INTS7: variants seen among roughly 807,000 people sequenced by gnomAD.
INTS7 encodes the protein chromosome 1 open reading frame 73.
INTS7 carries 46 observed loss-of-function variants against 109.2 expected under a neutral mutation model. The ratio of observed to expected loss-of-function variants is 0.42; its 90% CI spans 0.33 to 0.54. The LOEUF (loss-of-function observed/expected upper bound fraction) is 0.54, where lower values mean the gene tolerates loss of function less well. Ranked by LOEUF, INTS7 falls within the 20% of genes least tolerant of loss-of-function variation. The pLI is 0.07. For synonymous variants in INTS7, 412 were observed against 402.9 expected (o/e 1.02, Z -0.27); for missense variants, 929 against 1,132.4 (o/e 0.82, Z 2.58).
At chr1:211,976,491 T>C (rs1664428300) in intron 12 of INTS7, 91 bp downstream of exon 12, 1 of 1,185,178 alleles carries the variant, frequency 8.4e-7, no homozygotes, top group Non-Finnish European at 1.2e-6. Context: ...ATCTTTATTT[T>C]TAGTTTTGAC....
intron 13 of INTS7, 144 bp from the exon 14 acceptor site, chr1:211,968,851 ATAATG>A: frequency 1.8e-6 from 1 of 561,612 alleles, no homozygotes; most frequent in Non-Finnish European, 3.1e-6. Flanking sequence ...GATAAAAAGA[ATAATG>A]TAATATTAGA....
chr1:212,008,588 C>G (rs1333150703), intron 5 of INTS7, among the ~76,000 whole-genome samples: 1 of 152,154 alleles, frequency 6.6e-6, no homozygotes, highest in African/African-American at 2.4e-5. Context: ...ACCCATCCGT[C>G]CTCCTGCCCC....
chr1:212,001,600 G>A (rs1665674287), intron 7 of INTS7, among the ~76,000 whole-genome samples: 1 of 152,128 alleles, frequency 6.6e-6, no homozygotes. Flanking sequence ...TACATTCACT[G>A]CCTTAAATCT....
chr1:211,988,732 T>C (rs949513055), intron 7 of INTS7, among the ~76,000 whole-genome samples: 2 of 152,164 alleles, frequency 1.3e-5, no homozygotes, highest in African/African-American at 4.8e-5. Flanking sequence ...ACCCCCACCA[T>C]ATTTTGCTTA....
intron 16 of INTS7, among the ~76,000 whole-genome samples, chr1:211,953,206 T>C (rs1663188560): frequency 6.6e-6 from 1 of 152,076 alleles, no homozygotes; most frequent in Non-Finnish European, 1.5e-5. Context: ...GCTAGAGAAA[T>C]GGCATGAATC....
chr1:212,007,069 C>A (rs1665955090), intron 6 of INTS7, among the ~76,000 whole-genome samples, 181 bp downstream of exon 6: 1 of 151,862 alleles, frequency 6.6e-6, no homozygotes, highest in Non-Finnish European at 1.5e-5. Flanking sequence ...TCAAGGGCTC[C>A]CAACAATCAG....
chr1:211,979,170 C>G (rs1171392561), intron 10 of INTS7, among the ~76,000 whole-genome samples: 1 of 152,196 alleles, frequency 6.6e-6, no homozygotes, highest in African/African-American at 2.4e-5. Context: ...CTAACAGATT[C>G]TTTTGTCAAG....
intron 4 of INTS7, among the ~76,000 whole-genome samples, chr1:212,011,927 T>A (rs184717086): frequency 1.3e-5 from 2 of 152,330 alleles, no homozygotes; most frequent in African/African-American, 4.8e-5. Context: ...ATAATATTTT[T>A]AAAATTCTTT....
chr1:211,975,126 C>A (rs766457341), intron 13 of INTS7, 40 bp downstream of exon 13: 23 of 1,407,760 alleles, frequency 1.6e-5, no homozygotes, highest in Non-Finnish European at 2.2e-5. Context: ...AGAACTCTCA[C>A]ATAAATCATC....
chr1:211,993,958 C>A (rs1044539059), intron 7 of INTS7, among the ~76,000 whole-genome samples: 2 of 152,054 alleles, frequency 1.3e-5, no homozygotes, highest in African/African-American at 4.8e-5. Context: ...CTGATTCCAT[C>A]TGAAAATTAT....
intron 10 of INTS7, among the ~76,000 whole-genome samples, chr1:211,980,166 A>C (rs1664594618): frequency 6.6e-6 from 1 of 151,860 alleles, no homozygotes; most frequent in Non-Finnish European, 1.5e-5. Flanking sequence ...TGCCAAACAC[A>C]TGTTGTCTAC....
At chr1:211,990,781 A>G (rs150558498) in intron 7 of INTS7, among the ~76,000 whole-genome samples, 228 of 152,322 alleles carry the variant, frequency 1.5e-3, no homozygotes, top group African/African-American at 5.3e-3. Flanking sequence ...GATAGAGGCT[A>G]AGTAAGATGG....
intron 6 of INTS7, 88 bp from the exon 7 acceptor site, chr1:212,006,849 G>C: frequency 2.7e-6 from 3 of 1,103,446 alleles, no homozygotes; most frequent in Non-Finnish European, 3.9e-6. Context: ...ACTTATAAAG[G>C]GACAGGACTC....
rs1344396413 is a variant in INTS7 at position 211,981,110 on chromosome 1, C to T, written c.1213G>A (p.Ala405Thr). 1 of 1,611,220 alleles carries T rather than the reference C, an allele frequency of 6.2e-7. No homozygotes were observed. The highest frequency in any genetic ancestry group is 1.1e-5 in the South Asian group (1 of 90,960). Residue 405 changes from alanine (A) to threonine (T), a missense_variant, in exon 10 of 20, where the codon GCT becomes ACT. Ala to Thr is a moderately conservative substitution (Grantham distance 58). This residue lies in a region of INTS7 where 787 missense variants were observed against 901.1 expected (regional missense o/e 0.87). Transcript: ENST00000366994. ...GTTTTCACCTTTAAAGTGGCCTGAG[C>T]ACCTGGACTATCATCTTGACTACAA... ...VLCSQDDSPG[A>T]QATLKIALNC...
chr1:211,963,460 A>G lies in INTS7; in HGVS notation c.2183+2970T>C, dbSNP rs575945177. Among the ~76,000 whole-genome samples the G allele has an allele frequency of 4.6e-5, 7 of 152,226 alleles. No homozygotes were observed. The East Asian group carries it at 1.4e-3, about 29-fold the overall frequency. The stretch of plus-strand genomic sequence containing the variant: ...CTACTGAAGCTTTTCCAAAAAAATT[A>G]AGGAGGAGGGACTCCTCCCTAACTC... On this transcript the variant is annotated intron_variant, in intron 16 of 19. Transcript: ENST00000366994.
rs190771641 is a variant in INTS7, at chr1:212,015,268, G to A, written c.509+1618C>T. 5.0e-3 allele frequency among the ~76,000 whole-genome samples: 763 copies of A among 152,304 alleles called. 6 individuals are homozygous for A. Among genetic ancestry groups the A allele is most frequent in the African/African-American group, 0.016 (670 of 41,562 alleles). On this transcript the variant is annotated intron_variant, in intron 4 of 19. Coordinates refer to ENST00000366994, the MANE Select transcript of INTS7 (RefSeq NM_015434.4). Reference sequence around the variant, plus strand: ...GATGGGGGTTTTGTCGAATAGAAAAGGGGGAAATGTGGGGAAAAGAAAGAA... The same window carrying A: ...GATGGGGGTTTTGTCGAATAGAAAAAGGGGAAATGTGGGGAAAAGAAAGAA...
chr1:212,016,623 T>G (rs1052717624), intron 4 of INTS7, among the ~76,000 whole-genome samples: 4 of 152,224 alleles, frequency 2.6e-5, no homozygotes, highest in African/African-American at 9.6e-5. Flanking sequence ...CAATGAAGCC[T>G]TCTCCAACTA....
chr1:211,941,633 C>A lies in INTS7; in HGVS notation c.*191G>T, dbSNP rs1370072216. On this transcript the variant is annotated 3_prime_UTR_variant, in exon 20 of 20. Transcript: ENST00000366994. ...CCTCCCAAAGTGCTGGGATTACAGG[C>A]GTGAGCAACCACGCCCAGCTGTCAG... 3 of 718,556 alleles carry A rather than the reference C, an allele frequency of 4.2e-6. No individual in the cohort carries two copies. Among genetic ancestry groups the A allele is most frequent in the Admixed American group, 3.0e-5 (1 of 33,230 alleles). 44.5% of individuals were successfully genotyped at this position (718,556 alleles called of 1,614,324 possible).
chr1:211,986,259 C>T (rs1240269943), intron 8 of INTS7, among the ~76,000 whole-genome samples: 5 of 152,094 alleles, frequency 3.3e-5, no homozygotes, highest in African/African-American at 4.8e-5. Flanking sequence ...CCATCCAATC[C>T]TGGTCATACA....
Sources: allele counts gnomAD v4.1 joint callset (sites outside exome capture counted in the v4.1 genomes callset), GRCh38; gene constraint gnomAD v4.1.1; regional missense constraint gnomAD v4.1.1; transcripts MANE v1.5; gene names NCBI Gene and HGNC (gene_info 2026-07-23, HGNC 2026-07-21).